The following SOX5 variants were observed in gnomAD, a reference collection of about 807,000 sequenced individuals.
SOX5 encodes transcription factor SOX-5.
In SOX5, 9 loss-of-function variants were observed where a neutral mutation model predicts 92.0. That is an observed-to-expected ratio of 0.10 (90% CI 0.06 to 0.17). The LOEUF (loss-of-function observed/expected upper bound fraction) is 0.17. Ranked by LOEUF, SOX5 falls within the 10% of genes least tolerant of loss-of-function variation. The pLI is 1.00. For synonymous variants in SOX5, 344 were observed against 336.3 expected (o/e 1.02, Z -0.25); for missense variants, 642 against 944.5 (o/e 0.68, Z 4.20).
intron 2 of SOX5, among the ~76,000 whole-genome samples, chr12:23,866,181 A>G (rs1184465095): frequency 6.6e-6 from 1 of 152,238 alleles, no homozygotes; most frequent in East Asian, 1.9e-4. Context: ...ACACATGTAC[A>G]CTATGGCATA....
chr12:23,949,556 G>T lies in SOX5; in HGVS notation c.38+8C>A. ...TTCAATATATTAGGGGGAAAAAACT[G>T]TACTCACCTTTCAAACTCCTGAGGT... is the stretch of plus-strand genomic sequence containing the variant. On this transcript the variant is annotated splice_region_variant and intron_variant, in intron 1 of 14. Transcript: ENST00000451604. 2 of 1,613,462 alleles carry T rather than the reference G, an allele frequency of 1.2e-6. No homozygotes were observed. The highest frequency in any genetic ancestry group is 8.5e-7 in the Non-Finnish European group (1 of 1,179,466).
intron 4 of SOX5, among the ~76,000 whole-genome samples, chr12:24,041,777 G>A (rs1482046686): frequency 3.9e-5 from 6 of 152,042 alleles, no homozygotes; most frequent in African/African-American, 1.4e-4. Flanking sequence ...AATAACATTA[G>A]ATAACATTTT....
chr12:23,895,814 G>C lies in SOX5; in HGVS notation c.249C>G (p.Pro83=). The C allele has an allele frequency of 6.2e-7, 1 of 1,612,318 alleles. No homozygotes were observed. The highest frequency in any genetic ancestry group is 8.5e-7 in the Non-Finnish European group (1 of 1,178,336). Residue 83 remains proline (P), a synonymous_variant, in exon 2 of 15, where the codon CCC becomes CCG. Coordinates refer to ENST00000451604, the MANE Select transcript of SOX5 (RefSeq NM_006940.6). ...LTQETCGHRT[P]TSQHNTMEVD... is the part of the protein sequence containing the mutation. ...CTACCATTGTATTGTGCTGAGAAGTGGGAGTCCTATGGCCACAAGTCTCTT... is the reference window on the plus strand; with the variant it reads ...CTACCATTGTATTGTGCTGAGAAGTCGGAGTCCTATGGCCACAAGTCTCTT...
intron 3 of SOX5, among the ~76,000 whole-genome samples, chr12:23,785,501 T>G (rs1302041514): frequency 6.6e-6 from 1 of 152,230 alleles, no homozygotes; most frequent in African/African-American, 2.4e-5. Context: ...TAGTAAATTT[T>G]GATAATTTAT....
In SOX5 at chr12:24,029,844, T is replaced by C. The variant is rs146966616; in HGVS notation, c.-1-133820A>G. ...GGAGGACAACCAACATTTAACATTT[T>C]GTTCGGTATGGTATCTTTGGATAGT... On this transcript the variant is annotated intron_variant, in intron 4 of 4. Coordinates refer to the SOX5 transcript ENST00000446891. 7.2e-3 allele frequency among the ~76,000 whole-genome samples: 1,096 copies of C among 152,136 alleles called. 6 individuals are homozygous for C. The highest frequency in any genetic ancestry group is 0.012 in the Non-Finnish European group (804 of 67,934).
intron 1 of SOX5, among the ~76,000 whole-genome samples, chr12:23,917,981 T>C (rs1420688069): frequency 2.0e-5 from 3 of 152,190 alleles, no homozygotes; most frequent in African/African-American, 7.2e-5. Context: ...GAATGTGATA[T>C]GTTATAAATT....
chr12:24,014,043 G>C (rs986549601), intron 4 of SOX5, among the ~76,000 whole-genome samples: 1 of 152,200 alleles, frequency 6.6e-6, no homozygotes, highest in Non-Finnish European at 1.5e-5. Context: ...TAGTCTATTA[G>C]TGTACAGGAA....
chr12:23,749,706 G>A (rs1002938466), intron 4 of SOX5, among the ~76,000 whole-genome samples: 4 of 151,918 alleles, frequency 2.6e-5, no homozygotes, highest in African/African-American at 9.7e-5. Context: ...AATGGAGACT[G>A]TAATTTTAGG....
intron 3 of SOX5, among the ~76,000 whole-genome samples, chr12:23,829,729 C>G (rs528582297): frequency 6.6e-6 from 1 of 152,156 alleles, no homozygotes; most frequent in East Asian, 1.9e-4. Context: ...AGTAGACAAA[C>G]TAATGTATCA....
chr12:23,577,152 C>T (rs7976300), intron 9 of SOX5, among the ~76,000 whole-genome samples: 17,174 of 84,134 alleles, frequency 0.2, 1,422 homozygotes, highest in Non-Finnish European at 0.24. Flanking sequence ...TATATATATA[C>T]ACACACACAC....
chr12:23,553,547 GA>G (rs1388413272), intron 11 of SOX5, among the ~76,000 whole-genome samples: 3 of 151,820 alleles, frequency 2.0e-5, no homozygotes, highest in South Asian at 2.1e-4. Context: ...GGCAGGAGGG[GA>G]AAAAAACAAA....
At chr12:24,278,117 A>G (rs753672472) in intron 2 of SOX5, among the ~76,000 whole-genome samples, 85 of 152,280 alleles carry the variant, frequency 5.6e-4, no homozygotes, top group South Asian at 6.2e-4. Flanking sequence ...TCGCTCCGCT[A>G]TTAGTCCAAT....
At chr12:24,516,028 A>AT (rs750706033) in intron 1 of SOX5, among the ~76,000 whole-genome samples, 1 of 147,710 alleles carries the variant, frequency 6.8e-6, no homozygotes, top group African/African-American at 2.5e-5. Context: ...GGCTATGGCA[A>AT]TTTTTTTTCT....
At chr12:23,758,255 CA>C (rs569815251) in intron 3 of SOX5, among the ~76,000 whole-genome samples, 63 of 151,766 alleles carry the variant, frequency 4.2e-4, no homozygotes, top group African/African-American at 1.4e-3. Context: ...TGGTAATAAC[CA>C]AATGAAGACT....
At chr12:24,137,778 G>A (rs533821725) in intron 4 of SOX5, among the ~76,000 whole-genome samples, 1 of 152,312 alleles carries the variant, frequency 6.6e-6, no homozygotes, top group East Asian at 1.9e-4. Flanking sequence ...ATATCACAAT[G>A]AGTTAGAATA....
intron 4 of SOX5, among the ~76,000 whole-genome samples, chr12:24,127,708 C>G (rs764166264): frequency 6.6e-6 from 1 of 152,058 alleles, no homozygotes; most frequent in Non-Finnish European, 1.5e-5. Context: ...AAAAAATCAC[C>G]ACTCTCTTTG....
intron 1 of SOX5, among the ~76,000 whole-genome samples, chr12:24,412,675 T>C (rs973798049): frequency 6.6e-6 from 1 of 152,162 alleles, no homozygotes; most frequent in Non-Finnish European, 1.5e-5. Flanking sequence ...TTTAAATTTA[T>C]TGAGATTTGT....
chr12:24,350,271 C>G (rs1953906571), intron 2 of SOX5, among the ~76,000 whole-genome samples: 1 of 152,202 alleles, frequency 6.6e-6, no homozygotes, highest in East Asian at 1.9e-4. Flanking sequence ...TCTGCTCCCT[C>G]TTTCTTACTT....
intron 6 of SOX5, among the ~76,000 whole-genome samples, chr12:23,733,113 C>A (rs2093453095): frequency 6.6e-6 from 1 of 152,110 alleles, no homozygotes; most frequent in Non-Finnish European, 1.5e-5. Flanking sequence ...GCCTTACACC[C>A]ATTTACAATA....
Sources: allele counts gnomAD v4.1 joint callset (sites outside exome capture counted in the v4.1 genomes callset), GRCh38; gene constraint gnomAD v4.1.1; transcripts MANE v1.5; gene names NCBI Gene and HGNC (gene_info 2026-07-23, HGNC 2026-07-21).